Variants in TMC1 observed in about 807,000 individuals in gnomAD.
TMC1 encodes the protein transmembrane channel like 1.
TMC1 carries 84 observed loss-of-function variants against 105.8 expected under a neutral mutation model. That is an observed-to-expected ratio of 0.79 (90% confidence interval 0.67 to 0.95). The LOEUF (loss-of-function observed/expected upper bound fraction) is 0.95, where lower values mean the gene tolerates loss of function less well. TMC1 is among the 40% of genes least tolerant of loss of function. The pLI is 0.00. For missense variants in TMC1, 817 were observed against 914.1 expected (o/e 0.89, Z 1.37); for synonymous variants, 315 against 311.5 (o/e 1.01, Z -0.12).
chr9:72,744,449 A>G (rs1827453594), intron 10 of TMC1, among the ~76,000 whole-genome samples: 1 of 152,228 alleles, frequency 6.6e-6, no homozygotes, highest in South Asian at 2.1e-4. Context: ...AAGAGAAGAC[A>G]TCATGGATTT....
intron 11 of TMC1, among the ~76,000 whole-genome samples, chr9:72,753,609 G>A (rs895080): frequency 0.46 from 69,645 of 151,860 alleles, 16,179 homozygotes; most frequent in African/African-American, 0.53. Context: ...TAGGTGCTGA[G>A]GGGCATCCTG....
At chr9:72,756,021 G>A (rs1827671215) in intron 12 of TMC1, among the ~76,000 whole-genome samples, 1 of 152,142 alleles carries the variant, frequency 6.6e-6, no homozygotes, top group Non-Finnish European at 1.5e-5. Flanking sequence ...TTTATGTGAG[G>A]AGTACCAGAA....
At chr9:72,791,775 G>A in intron 15 of TMC1, 111 bp from the exon 16 acceptor site, 2 of 880,972 alleles carry the variant, frequency 2.3e-6, no homozygotes, top group South Asian at 1.4e-5. Flanking sequence ...GTCATTTTTA[G>A]TCTTAAAAAA....
At chr9:72,568,612 A>C (rs1211669249) in intron 1 of TMC1, among the ~76,000 whole-genome samples, 1 of 152,166 alleles carries the variant, frequency 6.6e-6, no homozygotes, top group African/African-American at 2.4e-5. Context: ...TGCTTACCTT[A>C]AATGTTCTTG....
intron 4 of TMC1, among the ~76,000 whole-genome samples, chr9:72,630,602 A>G (rs1224331028): frequency 6.6e-6 from 1 of 152,212 alleles, no homozygotes; most frequent in Non-Finnish European, 1.5e-5. Context: ...TATGAATAAC[A>G]TTCCAGATGC....
At chr9:72,788,286 T>G in intron 13 of TMC1, 53 bp from the exon 14 acceptor site, 1 of 1,606,968 alleles carries the variant, frequency 6.2e-7, no homozygotes, top group Non-Finnish European at 8.5e-7. Context: ...TTTGTTGCTA[T>G]TTCCCCTATC....
rs751784785 is a variant in TMC1, at chr9:72,835,982, C to A, written c.*9C>A. 46 of 1,584,228 alleles carry A rather than the reference C, an allele frequency of 2.9e-5. No homozygotes were observed. Among genetic ancestry groups the A allele is most frequent in the Non-Finnish European group, 3.8e-5 (44 of 1,165,804 alleles). On this transcript the variant is annotated 3_prime_UTR_variant, in exon 24 of 24. Coordinates refer to ENST00000297784, the MANE Select transcript of TMC1 (RefSeq NM_138691.3). ...CTGCTGGTCGCCAGTAATAAGTATC[C>A]TGAGAGCCCAGAAAAGGTACACTTT...
At chr9:72,776,669 T>G (rs1018682058) in intron 13 of TMC1, among the ~76,000 whole-genome samples, 1 of 152,178 alleles carries the variant, frequency 6.6e-6, no homozygotes, top group Non-Finnish European at 1.5e-5. Context: ...CCCACCAATC[T>G]TATATACTGT....
intron 8 of TMC1, among the ~76,000 whole-genome samples, chr9:72,735,619 A>C (rs531977745): frequency 1.3e-5 from 2 of 152,284 alleles, no homozygotes; most frequent in African/African-American, 4.8e-5. Context: ...GTTATCAAGG[A>C]GGATAGAATT....
At chr9:72,806,150 C>T (rs1171509797) in intron 18 of TMC1, among the ~76,000 whole-genome samples, 41 of 150,300 alleles carry the variant, frequency 2.7e-4, no homozygotes, top group African/African-American at 1.7e-4. Context: ...ACCTCCCGGG[C>T]GGGGCGGCTG....
At chr9:72,555,320 C>T (rs1823912260) in intron 1 of TMC1, among the ~76,000 whole-genome samples, 1 of 151,702 alleles carries the variant, frequency 6.6e-6, no homozygotes, top group Admixed American at 6.6e-5. Context: ...CTCAGCCTCC[C>T]AAGTAGATGG....
At chr9:72,522,162 T>TGTTTTTTTTG (rs397786864) in intron 1 of TMC1, among the ~76,000 whole-genome samples, 2 of 148,116 alleles carry the variant, frequency 1.4e-5, no homozygotes, top group Non-Finnish European at 3.0e-5. Context: ...AAGTTTTTTT[T>TGTTTTTTTTG]TTTTTGAGAC....
Position 72,838,104 on chromosome 9 carries a change from A to G in TMC1, c.*2131A>G, listed in dbSNP as rs892997209. On this transcript the variant is annotated 3_prime_UTR_variant, in exon 24 of 24. Transcript: ENST00000297784. ...AGTGCTGTGCACAAGTAGGCGCTGA[A>G]TAAATGCTTGCTAATTAAATTGAAT... is the stretch of plus-strand genomic sequence containing the variant. 2.0e-5 allele frequency: 3 copies of G among 152,240 alleles called. No homozygotes were observed. The highest frequency in any genetic ancestry group is 4.4e-5 in the Non-Finnish European group (3 of 68,036). 9.4% of individuals were successfully genotyped at this position (152,240 alleles called of 1,614,324 possible).
intron 4 of TMC1, among the ~76,000 whole-genome samples, chr9:72,634,914 A>T (rs1825508953): frequency 6.6e-6 from 1 of 152,230 alleles, no homozygotes; most frequent in Non-Finnish European, 1.5e-5. Flanking sequence ...TCTTGGGCTC[A>T]TCACCCTCTC....
At chr9:72,827,150 C>T (rs1420115982) in intron 21 of TMC1, among the ~76,000 whole-genome samples, 156 bp downstream of exon 21, 1 of 152,192 alleles carries the variant, frequency 6.6e-6, no homozygotes. Flanking sequence ...GGCTAAAATT[C>T]ATGAGCCATA....
intron 23 of TMC1, among the ~76,000 whole-genome samples, chr9:72,833,385 GT>G (rs1390977667): frequency 6.6e-6 from 1 of 151,960 alleles, no homozygotes; most frequent in African/African-American, 2.4e-5. Context: ...GACATATTGG[GT>G]TATCTGTCCA....
At chr9:72,603,325 C>T (rs1343509544) in intron 2 of TMC1, among the ~76,000 whole-genome samples, 1 of 151,986 alleles carries the variant, frequency 6.6e-6, no homozygotes, top group Non-Finnish European at 1.5e-5. Context: ...TCTGCTCTCC[C>T]TACCCATAAC....
intron 8 of TMC1, among the ~76,000 whole-genome samples, chr9:72,733,301 C>G (rs1280261272): frequency 6.6e-6 from 1 of 151,840 alleles, no homozygotes; most frequent in South Asian, 2.1e-4. Flanking sequence ...TTCCTGACTG[C>G]CTCCTCCCAG....
At chr9:72,661,335 C>T (rs924314785) in intron 5 of TMC1, among the ~76,000 whole-genome samples, 4 of 152,222 alleles carry the variant, frequency 2.6e-5, no homozygotes, top group African/African-American at 9.6e-5. Context: ...ACTTCTCAAG[C>T]AGCTGTGTCA....
Sources: gnomAD v4.1 joint callset for allele counts (sites outside exome capture counted in the v4.1 genomes callset) on GRCh38, gnomAD v4.1.1 for gene constraint, MANE v1.5 for transcripts, NCBI Gene and HGNC (gene_info 2026-07-23, HGNC 2026-07-21) for gene names.